The following PTPRD variants were observed in gnomAD, a reference collection of about 807,000 sequenced individuals.
PTPRD encodes the protein receptor-type tyrosine-protein phosphatase delta.
In PTPRD, 34 loss-of-function variants were observed where a neutral mutation model predicts 214.5. The ratio of observed to expected loss-of-function variants is 0.16; its 90% confidence interval spans 0.12 to 0.21. The LOEUF (loss-of-function observed/expected upper bound fraction) is 0.21, where lower values mean the gene tolerates loss of function less well. Ranked by LOEUF, PTPRD falls within the 10% of genes least tolerant of loss-of-function variation. PTPRD has a pLI of 1.00. For missense variants in PTPRD, 2,545 were observed against 2,398.7 expected (o/e 1.06, Z -1.27); for synonymous variants, 1,128 against 845.7 (o/e 1.33, Z -5.79).
At chr9:9,583,478 A>G (rs1485762652) in intron 7 of PTPRD, among the ~76,000 whole-genome samples, 1 of 152,086 alleles carries the variant, frequency 6.6e-6, no homozygotes, top group Middle Eastern at 3.2e-3. Context: ...CATGAATGAC[A>G]TTGTCATAAT....
At chr9:8,913,249 A>T (rs2098760418) in intron 11 of PTPRD, among the ~76,000 whole-genome samples, 1 of 152,164 alleles carries the variant, frequency 6.6e-6, no homozygotes, top group Non-Finnish European at 1.5e-5. Flanking sequence ...GTATTTCATA[A>T]ATATTTGAAA....
Position 10,596,962 on chromosome 9 carries a change from T to C in PTPRD, c.-600+15436A>G, listed in dbSNP as rs917364532. Among the ~76,000 whole-genome samples the C allele has an allele frequency of 1.1e-4, 17 of 151,676 alleles. No individual in the cohort carries two copies. The Admixed American group carries it at 1.1e-3, about 10-fold the overall frequency. The stretch of plus-strand genomic sequence containing the variant: ...TAATCAAATAAAACATAAATATTTA[T>C]AGGTGTTTTTTAAAGGAGCTACTTC... On this transcript the variant is annotated intron_variant, in intron 2 of 45. Transcript: ENST00000381196.
intron 11 of PTPRD, among the ~76,000 whole-genome samples, chr9:8,837,572 G>C (rs958123765): frequency 1.3e-5 from 2 of 152,122 alleles, no homozygotes; most frequent in Admixed American, 1.3e-4. Context: ...GCACAATCGT[G>C]GTGAGCCTCA....
intron 2 of PTPRD, among the ~76,000 whole-genome samples, chr9:10,387,112 G>A (rs113932018): frequency 6.6e-6 from 1 of 151,788 alleles, no homozygotes; most frequent in African/African-American, 2.4e-5. Context: ...AAGGATCACA[G>A]CCCTACCTAT....
chr9:10,354,471 T>C lies in PTPRD; in HGVS notation c.-599-13454A>G, dbSNP rs187954920. On this transcript the variant is annotated intron_variant, in intron 2 of 45. Transcript: ENST00000381196. Reference sequence around the variant, plus strand: ...CACTTTTATGAATGAAGCCTCTTGGTTTCCGGTTTTTAATAAATGTGCACA... The same window carrying C: ...CACTTTTATGAATGAAGCCTCTTGGCTTCCGGTTTTTAATAAATGTGCACA... Among the ~76,000 whole-genome samples the C allele has an allele frequency of 3.5e-3, 532 of 152,306 alleles. 1 individual carries two copies. Among genetic ancestry groups the C allele is most frequent in the Non-Finnish European group, 6.1e-3 (416 of 68,014 alleles).
chr9:8,493,425 T>C (rs1178258827), intron 26 of PTPRD, among the ~76,000 whole-genome samples: 1 of 152,186 alleles, frequency 6.6e-6, no homozygotes, highest in African/African-American at 2.4e-5. Flanking sequence ...AGAGTGATTA[T>C]TTTATGCCAA....
chr9:9,008,853 T>C (rs2099494831), intron 11 of PTPRD, among the ~76,000 whole-genome samples: 1 of 152,152 alleles, frequency 6.6e-6, no homozygotes, highest in Non-Finnish European at 1.5e-5. Context: ...TCTTTAACCA[T>C]AATATTAATT....
chr9:10,082,438 G>C (rs559400306), intron 3 of PTPRD, among the ~76,000 whole-genome samples: 1 of 151,844 alleles, frequency 6.6e-6, no homozygotes, highest in Admixed American at 6.6e-5. Context: ...TTATGCTGTA[G>C]GATGTGGATG....
chr9:10,453,900 A>T (rs2098877784), intron 2 of PTPRD, among the ~76,000 whole-genome samples: 1 of 151,698 alleles, frequency 6.6e-6, no homozygotes, highest in Admixed American at 6.6e-5. Context: ...AGCTTTCAGC[A>T]TTTCACCATT....
At chr9:9,646,777 T>A (rs1382357770) in intron 7 of PTPRD, among the ~76,000 whole-genome samples, 1 of 152,146 alleles carries the variant, frequency 6.6e-6, no homozygotes, top group Non-Finnish European at 1.5e-5. Flanking sequence ...TATAATAAAG[T>A]TTAAAATTAG....
At chr9:9,991,293 G>C (rs2095908307) in intron 4 of PTPRD, among the ~76,000 whole-genome samples, 1 of 151,716 alleles carries the variant, frequency 6.6e-6, no homozygotes, top group Non-Finnish European at 1.5e-5. Flanking sequence ...AACACAAATA[G>C]CACTAACTCA....
rs111875655 is a variant in PTPRD at position 9,081,574 on chromosome 9, T to C, written c.-142-62839A>G. Among the ~76,000 whole-genome samples, 564 of 152,274 alleles carry C rather than the reference T, an allele frequency of 3.7e-3. 3 individuals carry two copies. Among genetic ancestry groups the C allele is most frequent in the African/African-American group, 0.013 (533 of 41,570 alleles). ...TTGTTAATTTTCTGTCTCGTTGATCTATCTAATACTGACAGTGGGGTGTTA... is the reference window on the plus strand; with the variant it reads ...TTGTTAATTTTCTGTCTCGTTGATCCATCTAATACTGACAGTGGGGTGTTA... On this transcript the variant is annotated intron_variant, in intron 10 of 45. Coordinates refer to ENST00000381196, the MANE Select transcript of PTPRD (RefSeq NM_002839.4).
At chr9:9,852,507 G>A (rs1343058373) in intron 5 of PTPRD, among the ~76,000 whole-genome samples, 1 of 151,902 alleles carries the variant, frequency 6.6e-6, no homozygotes, top group Non-Finnish European at 1.5e-5. Flanking sequence ...TAATTAAAAG[G>A]TAAAGTGAGA....
chr9:8,891,976 C>CCCTTA (rs2098543588), intron 11 of PTPRD, among the ~76,000 whole-genome samples: 1 of 152,060 alleles, frequency 6.6e-6, no homozygotes, highest in Non-Finnish European at 1.5e-5. Flanking sequence ...TCTTAACGTC[C>CCCTTA]CCTTATGAAT....
chr9:9,437,428 G>C (rs1350842984), intron 8 of PTPRD, among the ~76,000 whole-genome samples: 2 of 98,394 alleles, frequency 2.0e-5, no homozygotes, highest in Non-Finnish European at 4.1e-5. Context: ...CCCCCTGAGA[G>C]TAATGAGGTG....
intron 9 of PTPRD, among the ~76,000 whole-genome samples, chr9:9,218,954 G>A (rs189865258): frequency 6.6e-6 from 1 of 152,022 alleles, no homozygotes; most frequent in Non-Finnish European, 1.5e-5. Flanking sequence ...GTGTAGTCCA[G>A]CTGTTAAGTA....
intron 7 of PTPRD, among the ~76,000 whole-genome samples, chr9:9,630,555 A>G (rs1309853700): frequency 6.6e-6 from 1 of 152,226 alleles, no homozygotes; most frequent in African/African-American, 2.4e-5. Flanking sequence ...TGAATAAGAA[A>G]TGTTTATTAA....
intron 6 of PTPRD, among the ~76,000 whole-genome samples, chr9:9,739,393 A>T (rs1439882297): frequency 2.0e-5 from 3 of 152,178 alleles, no homozygotes; most frequent in Non-Finnish European, 4.4e-5. Context: ...TTACTTAAAT[A>T]GTTACATAAT....
intron 5 of PTPRD, among the ~76,000 whole-genome samples, chr9:9,836,599 C>T (rs1294609157): frequency 6.6e-6 from 1 of 152,130 alleles, no homozygotes; most frequent in African/African-American, 2.4e-5. Flanking sequence ...AAAGTAATAT[C>T]AATCCTCTTC....
Sources: allele counts gnomAD v4.1 joint callset (sites outside exome capture counted in the v4.1 genomes callset), GRCh38; gene constraint gnomAD v4.1.1; transcripts MANE v1.5; gene names NCBI Gene and HGNC (gene_info 2026-07-23, HGNC 2026-07-21).